The following STYX variants were observed in gnomAD, a reference collection of about 807,000 sequenced individuals.
The protein encoded by STYX is serine/threonine/tyrosine interacting protein.
A neutral mutation model predicts 42.7 loss-of-function variants in STYX; 20 were observed. The observed-to-expected ratio is 0.47, with a 90% confidence interval of 0.33 to 0.68. The LOEUF (loss-of-function observed/expected upper bound fraction) is 0.68. Ranked by LOEUF, STYX falls within the 30% of genes least tolerant of loss-of-function variation. STYX has a pLI of 0.02. For synonymous variants in STYX, 78 were observed against 81.9 expected (o/e 0.95, Z 0.26); for missense variants, 226 against 268.5 (o/e 0.84, Z 1.11).
Position 52,771,209 on chromosome 14 carries a change from C to A in STYX, c.*103C>A. On this transcript the variant is annotated 3_prime_UTR_variant, in exon 11 of 11. Coordinates refer to ENST00000354586, the MANE Select transcript of STYX (RefSeq NM_145251.4). ...GTAAAAACATAAGTAGTTTTTTTTT[C>A]AATTACATGTTGCTTCCAGACATAC... 5.8e-6 allele frequency: 6 copies of A among 1,035,010 alleles called. No homozygotes were observed. Among genetic ancestry groups the A allele is most frequent in the Non-Finnish European group, 7.0e-6 (5 of 717,308 alleles). 64.1% of individuals were successfully genotyped at this position (1,035,010 alleles called of 1,614,324 possible).
At chr14:52,769,609 A>G (rs553752226) in intron 10 of STYX, among the ~76,000 whole-genome samples, 1 of 152,242 alleles carries the variant, frequency 6.6e-6, no homozygotes, top group South Asian at 2.1e-4. Flanking sequence ...ATATGACTGT[A>G]TATTCATCCC....
chr14:52,743,823 C>G (rs1881291344), intron 1 of STYX, among the ~76,000 whole-genome samples: 4 of 152,104 alleles, frequency 2.6e-5, no homozygotes, highest in Admixed American at 2.6e-4. Context: ...TGAGGACTAT[C>G]TGTACTATAG....
At chr14:52,738,365 CAA>C (rs1881046391) in intron 1 of STYX, among the ~76,000 whole-genome samples, 1 of 152,116 alleles carries the variant, frequency 6.6e-6, no homozygotes, top group South Asian at 2.1e-4. Flanking sequence ...ATATATATCT[CAA>C]GAGAGTCTTT....
chr14:52,746,601 A>T (rs1387064084), intron 3 of STYX, 122 bp downstream of exon 3: 5 of 768,638 alleles, frequency 6.5e-6, no homozygotes, highest in Non-Finnish European at 8.2e-6. Flanking sequence ...GTTAACAGTA[A>T]TTGTCACTCT....
intron 1 of STYX, among the ~76,000 whole-genome samples, chr14:52,732,206 G>A (rs573141275): frequency 6.8e-6 from 1 of 147,120 alleles, no homozygotes; most frequent in South Asian, 2.2e-4. Flanking sequence ...GGTTCAAACA[G>A]TTCTCCTGCC....
intron 9 of STYX, among the ~76,000 whole-genome samples, chr14:52,765,680 G>C (rs534875255): frequency 1.3e-5 from 2 of 152,128 alleles, no homozygotes; most frequent in African/African-American, 4.8e-5. Flanking sequence ...ATGGGGTGGC[G>C]GGGGAGATGG....
chr14:52,731,390 A>T (rs1880694107), intron 1 of STYX, among the ~76,000 whole-genome samples: 1 of 146,350 alleles, frequency 6.8e-6, no homozygotes, highest in Non-Finnish European at 1.5e-5. Context: ...CATTCAATTT[A>T]TTCCGAATAT....
At chr14:52,768,543 G>A (rs1882395020) in intron 9 of STYX, among the ~76,000 whole-genome samples, 1 of 152,072 alleles carries the variant, frequency 6.6e-6, no homozygotes, top group South Asian at 2.1e-4. Flanking sequence ...AGTTTTTGGT[G>A]TTTTTTGGGG....
intron 4 of STYX, 77 bp from the exon 5 acceptor site, chr14:52,756,474 A>T: frequency 1.2e-6 from 1 of 848,384 alleles, no homozygotes; most frequent in East Asian, 2.8e-5. Context: ...GGTTAACAAG[A>T]AATAATGAGT....
At position 52,750,791 on chromosome 14, in the gene STYX, T is replaced by C. The variant is rs770818905; in HGVS notation, c.242+11T>C. 4.4e-5 allele frequency: 65 copies of C among 1,485,810 alleles called. No homozygotes were observed. The highest frequency in any genetic ancestry group is 5.9e-5 in the Non-Finnish European group (64 of 1,085,764). The allele number at this position is 1,485,810 out of a possible 1,614,324, so 92.0% of individuals were successfully genotyped here. A position where few individuals can be genotyped will look rare whatever the true frequency, so the allele number is the denominator to read the frequency against. On this transcript the variant is annotated intron_variant, in intron 4 of 10. Transcript: ENST00000354586. ...TCAGCAGTTATTTAGGTAAGAATTA[T>C]TGCTATGATTTGTAAAACACTTAAT...
At chr14:52,731,966 T>G (rs1405287379) in intron 1 of STYX, among the ~76,000 whole-genome samples, 2 of 128,424 alleles carry the variant, frequency 1.6e-5, no homozygotes, top group Non-Finnish European at 3.3e-5. Context: ...TTTTTTTTTG[T>G]AGCGATGGGT....
chr14:52,750,109 AATAAG>A (rs1457934133), intron 3 of STYX, among the ~76,000 whole-genome samples: 1 of 152,206 alleles, frequency 6.6e-6, no homozygotes, highest in African/African-American at 2.4e-5. Flanking sequence ...TATTGAATAT[AATAAG>A]ATGTCATTGA....
chr14:52,739,632 C>CTTTT (rs58454717), intron 1 of STYX, among the ~76,000 whole-genome samples: 1,739 of 65,628 alleles, frequency 0.026, no homozygotes, highest in Non-Finnish European at 0.029. Context: ...TCCTTTCTTT[C>CTTTT]TTTTTTTTTT....
At chr14:52,759,588 T>G in intron 8 of STYX, 94 bp from the exon 9 acceptor site, 1 of 828,156 alleles carries the variant, frequency 1.2e-6, no homozygotes, top group Non-Finnish European at 2.0e-6. Context: ...CTTTTTCCAT[T>G]ACAACTCATT....
intron 4 of STYX, 67 bp downstream of exon 4, chr14:52,750,847 T>A: frequency 9.0e-7 from 1 of 1,112,412 alleles, no homozygotes; most frequent in Non-Finnish European, 1.3e-6. Context: ...GTACCATCAG[T>A]TGTTTCTGTA....
chr14:52,733,915 G>T (rs1425932800), intron 1 of STYX, among the ~76,000 whole-genome samples: 1 of 151,958 alleles, frequency 6.6e-6, no homozygotes, highest in Non-Finnish European at 1.5e-5. Context: ...CCCGACCCCC[G>T]CTGCTTTACC....
chr14:52,740,402 A>G (rs2139886453), intron 1 of STYX, among the ~76,000 whole-genome samples: 1 of 152,298 alleles, frequency 6.6e-6, no homozygotes, highest in African/African-American at 2.4e-5. Flanking sequence ...TGCAGCCAAT[A>G]TTTGTTTAAT....
At chr14:52,734,996 G>T (rs1252324877) in intron 1 of STYX, among the ~76,000 whole-genome samples, 1 of 151,938 alleles carries the variant, frequency 6.6e-6, no homozygotes, top group East Asian at 1.9e-4. Context: ...GGCGGAGCTT[G>T]CAGTGAGCCG....
At chr14:52,761,030 A>G (rs1056957079) in intron 9 of STYX, among the ~76,000 whole-genome samples, 2 of 152,130 alleles carry the variant, frequency 1.3e-5, no homozygotes, top group African/African-American at 2.4e-5. Context: ...TAGTATATAC[A>G]TATGTTTAAG....
Sources: gnomAD v4.1 joint callset for allele counts (sites outside exome capture counted in the v4.1 genomes callset) on GRCh38, gnomAD v4.1.1 for gene constraint, MANE v1.5 for transcripts, NCBI Gene and HGNC (gene_info 2026-07-23, HGNC 2026-07-21) for gene names.